The following STK3 variants were observed in gnomAD, a reference collection of about 807,000 sequenced individuals.
STK3 encodes the protein serine/threonine-protein kinase 3.
Under a neutral mutation model 58.0 loss-of-function variants are expected in STK3, and 41 were observed. The observed-to-expected ratio is 0.71, with a 90% CI of 0.55 to 0.92. The LOEUF (loss-of-function observed/expected upper bound fraction) is 0.92. STK3 is among the 40% of genes least tolerant of loss of function. STK3 has a pLI of 0.00. For synonymous variants in STK3, 170 were observed against 191.0 expected (o/e 0.89, Z 0.91); for missense variants, 479 against 602.7 (o/e 0.79, Z 2.15).
chr8:98,935,942 A>G (rs1222857458), intron 1 of STK3, among the ~76,000 whole-genome samples: 2 of 151,396 alleles, frequency 1.3e-5, no homozygotes, highest in Non-Finnish European at 2.9e-5. Flanking sequence ...TTTGAGGTGG[A>G]GTCTCACTCT....
intron 1 of STK3, among the ~76,000 whole-genome samples, chr8:98,902,669 T>C (rs1400713578): frequency 6.6e-6 from 1 of 152,218 alleles, no homozygotes; most frequent in East Asian, 1.9e-4. Flanking sequence ...GAGCCCTCCA[T>C]ATGGAAACCA....
chr8:98,400,419 C>T (rs778611475), downstream of STK3, among the ~76,000 whole-genome samples: 5 of 152,210 alleles, frequency 3.3e-5, no homozygotes, highest in Admixed American at 6.5e-5. Context: ...AGGCGCCTGC[C>T]GTACTGAGGT....
chr8:98,711,419 C>T (rs1256116568), intron 4 of STK3, among the ~76,000 whole-genome samples: 1 of 152,108 alleles, frequency 6.6e-6, no homozygotes, highest in East Asian at 1.9e-4. Flanking sequence ...CTAGAATAAC[C>T]AATGCAGAGA....
intron 10 of STK3, among the ~76,000 whole-genome samples, chr8:98,509,058 CT>C (rs960353250): frequency 1.3e-5 from 2 of 151,208 alleles, no homozygotes; most frequent in Non-Finnish European, 3.0e-5. Flanking sequence ...CCCCAACCAT[CT>C]TTTTTTTTCA....
intron 6 of STK3, among the ~76,000 whole-genome samples, chr8:98,654,388 G>T (rs995686799): frequency 5.9e-5 from 9 of 152,084 alleles, no homozygotes; most frequent in African/African-American, 2.2e-4. Flanking sequence ...TACTGAATGG[G>T]CAAAAACTGG....
chr8:98,909,392 C>A (rs1365340470), intron 1 of STK3, among the ~76,000 whole-genome samples: 2 of 152,108 alleles, frequency 1.3e-5, no homozygotes, highest in African/African-American at 4.8e-5. Flanking sequence ...GTAAAGTGTA[C>A]AATCCAATGT....
At chr8:98,396,259 G>A (rs573695085) in intron 3 of STK3, among the ~76,000 whole-genome samples, 1 of 152,210 alleles carries the variant, frequency 6.6e-6, no homozygotes, top group Non-Finnish European at 1.5e-5. Flanking sequence ...CATTTGGGAA[G>A]ATGTTTTACA....
the STK3 span, among the ~76,000 whole-genome samples, chr8:98,357,438 G>A: frequency 2.0e-4 from 30 of 152,284 alleles, no homozygotes; most frequent in African/African-American, 6.5e-4. Flanking sequence ...TTCACAGAAT[G>A]GTACTCCCAG....
At chr8:98,733,274 GC>G (rs1345869243) in intron 4 of STK3, among the ~76,000 whole-genome samples, 2 of 152,172 alleles carry the variant, frequency 1.3e-5, no homozygotes. Flanking sequence ...TCAAGAATCT[GC>G]TAAAGCAGGA....
At chr8:98,357,808 C>T in the STK3 span, among the ~76,000 whole-genome samples, 1 of 152,190 alleles carries the variant, frequency 6.6e-6, no homozygotes, top group Admixed American at 6.5e-5. Flanking sequence ...GCCTTTGAAG[C>T]TGTGAACAAC....
intron 10 of STK3, among the ~76,000 whole-genome samples, chr8:98,522,168 C>CA (rs2131459020): frequency 6.6e-6 from 1 of 152,172 alleles, no homozygotes; most frequent in South Asian, 2.1e-4. Context: ...AATAGATTCA[C>CA]AAAACTAAAA....
chr8:98,581,345 G>A (rs2131735560), intron 7 of STK3, among the ~76,000 whole-genome samples: 1 of 152,220 alleles, frequency 6.6e-6, no homozygotes, highest in African/African-American at 2.4e-5. Context: ...GAGGTTGTTG[G>A]GTTCTTATTC....
chr8:98,433,328 A>C (rs1170527641), intron 3 of STK3, among the ~76,000 whole-genome samples: 1 of 152,128 alleles, frequency 6.6e-6, no homozygotes, highest in Non-Finnish European at 1.5e-5. Context: ...CCTGCTGCCG[A>C]AGTAGGCTCC....
At chr8:98,616,964 A>G (rs1817787612) in intron 6 of STK3, among the ~76,000 whole-genome samples, 2 of 152,178 alleles carry the variant, frequency 1.3e-5, no homozygotes, top group African/African-American at 4.8e-5. Flanking sequence ...AAGCGGACCT[A>G]ATAGACATCT....
chr8:98,797,961 T>C (rs563541140), intron 1 of STK3, among the ~76,000 whole-genome samples: 2 of 152,254 alleles, frequency 1.3e-5, no homozygotes, highest in East Asian at 1.9e-4. Context: ...AGGAATAAAG[T>C]AGAAACATTT....
intron 10 of STK3, among the ~76,000 whole-genome samples, chr8:98,478,392 C>CT (rs1821549950): frequency 6.6e-6 from 1 of 152,162 alleles, no homozygotes; most frequent in African/African-American, 2.4e-5. Flanking sequence ...TAAGCTTGGG[C>CT]TTAAGATCCA....
chr8:98,610,307 C>T (rs1369008922), intron 6 of STK3, among the ~76,000 whole-genome samples: 1 of 152,104 alleles, frequency 6.6e-6, no homozygotes, highest in Non-Finnish European at 1.5e-5. Context: ...TAAATTAATA[C>T]TAGTCATTAG....
chr8:98,596,973 T>C (rs1815879934), intron 6 of STK3, among the ~76,000 whole-genome samples: 1 of 151,960 alleles, frequency 6.6e-6, no homozygotes, highest in Non-Finnish European at 1.5e-5. Context: ...ACATGAGTAA[T>C]AAAATGTTCA....
downstream of STK3, among the ~76,000 whole-genome samples, chr8:98,453,525 A>G (rs1819298526): frequency 6.6e-6 from 1 of 152,248 alleles, no homozygotes; most frequent in African/African-American, 2.4e-5. Context: ...GCTCTAAAAT[A>G]AAACAATGCC....
Sources: allele counts gnomAD v4.1 joint callset (sites outside exome capture counted in the v4.1 genomes callset), GRCh38; gene constraint gnomAD v4.1.1; transcripts MANE v1.5; gene names NCBI Gene and HGNC (gene_info 2026-07-23, HGNC 2026-07-21).